Variants in TRPS1 observed in about 807,000 individuals in gnomAD.
TRPS1 encodes the protein transcriptional repressor GATA binding 1.
Under a neutral mutation model 101.2 loss-of-function variants are expected in TRPS1, and 6 were observed. That is an observed-to-expected ratio of 0.06 (90% CI 0.03 to 0.12). TRPS1 has a LOEUF of 0.12. Among genes scored for constraint, TRPS1 ranks in the 10% least tolerant of loss-of-function variants. TRPS1 has a pLI of 1.00. For missense variants in TRPS1, 1,363 were observed against 1,567.0 expected, an observed-to-expected ratio of 0.87 and a Z score of 2.20; for synonymous variants, 578 against 589.8, an observed-to-expected ratio of 0.98 and a Z score of 0.29.
chr8:115,506,260 A>AC, intron 5 of TRPS1, among the ~76,000 whole-genome samples: 1 of 152,124 alleles, frequency 6.6e-6, no homozygotes, highest in Admixed American at 6.5e-5. Context: ...GGAAAAAAAA[A>AC]CATGGGGGTG....
chr8:115,626,973 C>T (rs1818522197), intron 1 of TRPS1, among the ~76,000 whole-genome samples: 1 of 151,550 alleles, frequency 6.6e-6, no homozygotes, highest in African/African-American at 2.4e-5. Context: ...TTCATATATC[C>T]AAATACATGT....
At chr8:115,567,474 T>C (rs1221295954) in intron 5 of TRPS1, among the ~76,000 whole-genome samples, 2 of 152,052 alleles carry the variant, frequency 1.3e-5, no homozygotes, top group African/African-American at 2.4e-5. Flanking sequence ...TTCCAGGAAT[T>C]TGGCAAAGAA....
chr8:115,621,446 G>C lies in TRPS1; in HGVS notation c.38-1386C>G, dbSNP rs140410662. 9.2e-5 allele frequency among the ~76,000 whole-genome samples: 14 copies of C among 152,330 alleles called. No homozygotes were observed. In the East Asian group the frequency reaches 2.7e-3, roughly 29 times the overall value. The stretch of plus-strand genomic sequence containing the variant: ...TCATCTATAATTTCTCACAAGTACT[G>C]AAGTACCACACTGGCTTTGGATAGA... On this transcript the variant is annotated intron_variant, in intron 2 of 6. Transcript: ENST00000395715.
intron 5 of TRPS1, among the ~76,000 whole-genome samples, chr8:115,475,579 A>G (rs1196262088): frequency 6.6e-6 from 1 of 152,154 alleles, no homozygotes; most frequent in African/African-American, 2.4e-5. Context: ...CTGAGATTCC[A>G]TTATTTCATT....
chr8:115,448,630 A>C (rs1339144660), intron 5 of TRPS1, among the ~76,000 whole-genome samples: 1 of 152,212 alleles, frequency 6.6e-6, no homozygotes, highest in Non-Finnish European at 1.5e-5. Flanking sequence ...AAATGCATTC[A>C]TCTCTCACTT....
intron 5 of TRPS1, among the ~76,000 whole-genome samples, chr8:115,556,637 C>T (rs1260881216): frequency 6.6e-6 from 1 of 152,108 alleles, no homozygotes; most frequent in Non-Finnish European, 1.5e-5. Context: ...TTTCTTAGGC[C>T]AAGTAGTGTA....
At chr8:115,516,289 G>GT (rs5894272) in intron 5 of TRPS1, among the ~76,000 whole-genome samples, 151,526 of 151,532 alleles carry the variant, frequency 1, 75,760 homozygotes, top group Middle Eastern at 1. Context: ...CTAAAGTATC[G>GT]TAATGAGTTT....
At chr8:115,466,425 A>G (rs2129995152) in intron 5 of TRPS1, among the ~76,000 whole-genome samples, 1 of 152,310 alleles carries the variant, frequency 6.6e-6, no homozygotes, top group South Asian at 2.1e-4. Flanking sequence ...CCTTTCCCTA[A>G]ATGTAGAGAG....
chr8:115,475,201 T>C (rs775529543), intron 5 of TRPS1, among the ~76,000 whole-genome samples: 6 of 150,008 alleles, frequency 4.0e-5, no homozygotes, highest in African/African-American at 7.4e-5. Flanking sequence ...TATAAAGTTA[T>C]AATGAAGGTG....
chr8:115,470,263 T>C (rs1814433786), intron 5 of TRPS1, among the ~76,000 whole-genome samples: 2 of 152,218 alleles, frequency 1.3e-5, no homozygotes, highest in African/African-American at 2.4e-5. Context: ...GACTAAGACA[T>C]TGAAATAAGA....
chr8:115,581,390 G>C (rs1005393277), intron 5 of TRPS1, among the ~76,000 whole-genome samples: 8 of 152,098 alleles, frequency 5.3e-5, no homozygotes, highest in African/African-American at 1.7e-4. Flanking sequence ...GTTTCAAATA[G>C]CTGGAATAGT....
At chr8:115,637,210 C>G (rs2130576386) in intron 1 of TRPS1, 1 of 967,856 alleles carries the variant, frequency 1.0e-6, no homozygotes, top group African/African-American at 1.8e-5. Context: ...AGAGAAGAAG[C>G]TAGGTTTAAA....
intron 5 of TRPS1, among the ~76,000 whole-genome samples, chr8:115,571,070 T>C (rs574897860): frequency 3.3e-4 from 51 of 152,356 alleles, no homozygotes; most frequent in African/African-American, 1.2e-3. Flanking sequence ...TCACCCACTA[T>C]ATAGTTAGGT....
At chr8:115,570,753 G>C (rs959194725) in intron 5 of TRPS1, among the ~76,000 whole-genome samples, 1 of 151,310 alleles carries the variant, frequency 6.6e-6, no homozygotes, top group African/African-American at 2.4e-5. Context: ...TTCAAGCCCA[G>C]GGAGTATCAC....
intron 5 of TRPS1, among the ~76,000 whole-genome samples, chr8:115,575,020 A>C (rs1034970740): frequency 1.3e-5 from 2 of 152,146 alleles, no homozygotes; most frequent in African/African-American, 4.8e-5. Flanking sequence ...TCAGGAGTCT[A>C]TATACATGAT....
At chr8:115,500,072 T>C (rs886625670) in intron 5 of TRPS1, among the ~76,000 whole-genome samples, 2 of 151,936 alleles carry the variant, frequency 1.3e-5, no homozygotes, top group African/African-American at 4.8e-5. Context: ...CTCTATCACC[T>C]AGGCTGTTGT....
chr8:115,509,053 A>G (rs75781505), intron 5 of TRPS1, among the ~76,000 whole-genome samples: 1 of 152,012 alleles, frequency 6.6e-6, no homozygotes, highest in Non-Finnish European at 1.5e-5. Flanking sequence ...CTTAAAAAAA[A>G]TCTTAAAATT....
At chr8:115,518,823 A>T (rs1335816085) in intron 5 of TRPS1, among the ~76,000 whole-genome samples, 1 of 151,860 alleles carries the variant, frequency 6.6e-6, no homozygotes, top group African/African-American at 2.4e-5. Context: ...AACCATCAGA[A>T]ATTTAAACTT....
At chr8:115,599,134 A>G (rs748580343) in intron 4 of TRPS1, among the ~76,000 whole-genome samples, 1 of 152,084 alleles carries the variant, frequency 6.6e-6, no homozygotes, top group Non-Finnish European at 1.5e-5. Flanking sequence ...TATATTCCAT[A>G]TCTTACTAAA....
Sources: gnomAD v4.1 joint callset for allele counts (sites outside exome capture counted in the v4.1 genomes callset) on GRCh38, gnomAD v4.1.1 for gene constraint, MANE v1.5 for transcripts, NCBI Gene and HGNC (gene_info 2026-07-23, HGNC 2026-07-21) for gene names.